The following ZMAT4 variants were observed in gnomAD, a reference collection of about 807,000 sequenced individuals.
ZMAT4 encodes zinc finger matrin-type protein 4.
Under a neutral mutation model 28.7 loss-of-function variants are expected in ZMAT4, and 17 were observed. The observed-to-expected ratio is 0.59, with a 90% CI of 0.41 to 0.89. ZMAT4 has a LOEUF of 0.89. Ranked by LOEUF, ZMAT4 falls within the 40% of genes least tolerant of loss-of-function variation. ZMAT4 has a pLI of 0.00. For missense variants in ZMAT4, 240 were observed against 283.8 expected, an observed-to-expected ratio of 0.85 and a Z score of 1.11; for synonymous variants, 117 against 109.2, an observed-to-expected ratio of 1.07 and a Z score of -0.44.
At chr8:40,762,648 C>T (rs1250008596) in intron 3 of ZMAT4, among the ~76,000 whole-genome samples, 1 of 151,872 alleles carries the variant, frequency 6.6e-6, no homozygotes, top group Non-Finnish European at 1.5e-5. Flanking sequence ...AGAGCAAGAC[C>T]CCATCTCTAA....
intron 5 of ZMAT4, among the ~76,000 whole-genome samples, chr8:40,585,261 G>A (rs1221676394): frequency 6.6e-6 from 1 of 152,158 alleles, no homozygotes; most frequent in African/African-American, 2.4e-5. Context: ...TTAGGAAGCA[G>A]CCTAAGAGAC....
chr8:40,869,779 C>T (rs761315673), intron 1 of ZMAT4, among the ~76,000 whole-genome samples: 2 of 152,192 alleles, frequency 1.3e-5, no homozygotes, highest in Non-Finnish European at 2.9e-5. Flanking sequence ...AACTGAAGAA[C>T]GATGCATGAC....
chr8:40,852,174 A>C (rs1000715732), intron 1 of ZMAT4, among the ~76,000 whole-genome samples: 1 of 151,892 alleles, frequency 6.6e-6, no homozygotes, highest in Non-Finnish European at 1.5e-5. Context: ...GCCTAGCTAT[A>C]ATTTTGTGTC....
chr8:40,633,116 C>T (rs369253040), intron 5 of ZMAT4, among the ~76,000 whole-genome samples: 16 of 152,080 alleles, frequency 1.1e-4, no homozygotes, highest in South Asian at 2.1e-4. Flanking sequence ...AGAAGAAATG[C>T]GAAGAAAAAA....
intron 5 of ZMAT4, among the ~76,000 whole-genome samples, chr8:40,637,093 T>TAAA (rs1203686037): frequency 5.0e-4 from 75 of 149,412 alleles, no homozygotes; most frequent in East Asian, 2.2e-3. Flanking sequence ...AAATAGATTT[T>TAAA]AAAAAAAAAA....
intron 5 of ZMAT4, among the ~76,000 whole-genome samples, chr8:40,602,864 T>C (rs1805446453): frequency 6.6e-6 from 1 of 152,348 alleles, no homozygotes; most frequent in Non-Finnish European, 1.5e-5. Flanking sequence ...GTGGGTTGTC[T>C]GTTTACTCTG....
At chr8:40,849,325 CT>C (rs1817019670) in intron 1 of ZMAT4, among the ~76,000 whole-genome samples, 1 of 152,218 alleles carries the variant, frequency 6.6e-6, no homozygotes, top group Admixed American at 6.5e-5. Flanking sequence ...ACAGGCTTCC[CT>C]TCTGCCTTTC....
At chr8:40,599,933 C>T (rs1422767482) in intron 5 of ZMAT4, among the ~76,000 whole-genome samples, 1 of 152,186 alleles carries the variant, frequency 6.6e-6, no homozygotes, top group Non-Finnish European at 1.5e-5. Context: ...TGATTATCTC[C>T]TTTCATCAAG....
At chr8:40,799,661 G>A (rs1235805839) in intron 2 of ZMAT4, among the ~76,000 whole-genome samples, 1 of 152,108 alleles carries the variant, frequency 6.6e-6, no homozygotes. Flanking sequence ...ATGGTTGAGG[G>A]TAAAATAAAA....
chr8:40,620,155 T>C (rs1325689173), intron 5 of ZMAT4, among the ~76,000 whole-genome samples: 1 of 152,172 alleles, frequency 6.6e-6, no homozygotes, highest in Non-Finnish European at 1.5e-5. Flanking sequence ...TACTTAGGAA[T>C]GCAGCAGGTT....
chr8:40,576,107 T>G (rs1265054145), intron 6 of ZMAT4, among the ~76,000 whole-genome samples: 1 of 151,480 alleles, frequency 6.6e-6, no homozygotes, highest in African/African-American at 2.4e-5. Context: ...TTGAAATAAC[T>G]TAGGCAGACA....
At chr8:40,632,686 C>T (rs1489574216) in intron 5 of ZMAT4, among the ~76,000 whole-genome samples, 2 of 152,184 alleles carry the variant, frequency 1.3e-5, no homozygotes, top group African/African-American at 4.8e-5. Context: ...AGAGGGAGCA[C>T]AGCCCTGCCA....
rs565587089 is a variant in ZMAT4, at chr8:40,690,166, A to T, written c.349+7079T>A. The stretch of plus-strand genomic sequence containing the variant: ...CACATTGCTAATGGATTTAAATCCT[A>T]CTCGCTGTAGGATAGGCATGGACTA... On this transcript the variant is annotated intron_variant, in intron 4 of 6. Coordinates refer to ENST00000297737, the MANE Select transcript of ZMAT4 (RefSeq NM_024645.3). Among the ~76,000 whole-genome samples, 11 of 152,228 alleles carry T rather than the reference A, an allele frequency of 7.2e-5. No individual in the cohort carries two copies. In the South Asian group the frequency reaches 1.5e-3, roughly 20 times the overall value.
intron 2 of ZMAT4, among the ~76,000 whole-genome samples, chr8:40,809,580 T>G (rs557148504): frequency 1.3e-5 from 2 of 152,290 alleles, no homozygotes; most frequent in South Asian, 4.1e-4. Flanking sequence ...GACAAAATAA[T>G]GGAAAGAAAA....
At chr8:40,726,688 A>G (rs190329467) in intron 3 of ZMAT4, among the ~76,000 whole-genome samples, 1 of 152,330 alleles carries the variant, frequency 6.6e-6, no homozygotes, top group East Asian at 1.9e-4. Context: ...TTGTGAAAAT[A>G]GTTTTATTGG....
intron 2 of ZMAT4, among the ~76,000 whole-genome samples, chr8:40,776,431 G>A (rs67649298): frequency 0.39 from 59,237 of 152,026 alleles, 12,246 homozygotes; most frequent in Middle Eastern, 0.47. Context: ...CTACATCAAC[G>A]TGTTACAATT....
intron 5 of ZMAT4, among the ~76,000 whole-genome samples, chr8:40,608,351 T>C (rs1184489797): frequency 6.6e-6 from 1 of 151,852 alleles, no homozygotes; most frequent in African/African-American, 2.4e-5. Context: ...CAATGGAAAA[T>C]GGGGGAAAGC....
chr8:40,801,351 A>AAAAAAATATATATATAT (rs370796453), intron 2 of ZMAT4, among the ~76,000 whole-genome samples: 3 of 97,258 alleles, frequency 3.1e-5, no homozygotes, highest in African/African-American at 1.1e-4. Context: ...TAAAAAAAAA[A>AAAAAAATATATATATAT]ATATATATAT....
intron 2 of ZMAT4, among the ~76,000 whole-genome samples, chr8:40,796,061 C>G (rs1161721914): frequency 6.6e-6 from 1 of 152,210 alleles, no homozygotes; most frequent in African/African-American, 2.4e-5. Flanking sequence ...GAAGCCCCTC[C>G]TCAGAACAAC....
Sources: gnomAD v4.1 joint callset for allele counts (sites outside exome capture counted in the v4.1 genomes callset) on GRCh38, gnomAD v4.1.1 for gene constraint, MANE v1.5 for transcripts, NCBI Gene and HGNC (gene_info 2026-07-23, HGNC 2026-07-21) for gene names.